ECPAS: variants seen among roughly 807,000 people sequenced by gnomAD.
ECPAS encodes proteasome adapter and scaffold protein ECM29.
In ECPAS, 70 loss-of-function variants were observed where a neutral mutation model predicts 255.1. That is an observed-to-expected ratio of 0.27 (90% confidence interval 0.23 to 0.33). ECPAS has a LOEUF of 0.33. Among genes scored for constraint, ECPAS ranks in the 10% least tolerant of loss-of-function variants. The pLI is 1.00. For missense variants in ECPAS, 1,817 were observed against 2,206.4 expected, an observed-to-expected ratio of 0.82 and a Z score of 3.54; for synonymous variants, 784 against 775.0, an observed-to-expected ratio of 1.01 and a Z score of -0.19.
chr9:111,483,619 C>G (rs1404586228), intron 1 of ECPAS: 6 of 318,134 alleles, frequency 1.9e-5, no homozygotes, highest in Non-Finnish European at 2.7e-5. Context: ...CGCGGTGCGG[C>G]AGGGGCCGCG....
At chr9:111,428,613 G>A (rs1012882183) in intron 9 of ECPAS, among the ~76,000 whole-genome samples, 26 of 151,958 alleles carry the variant, frequency 1.7e-4, no homozygotes, top group Admixed American at 1.2e-3. Flanking sequence ...CAAAAACCTC[G>A]CTTGCACAGA....
At chr9:111,463,404 T>C (rs991507721) in intron 2 of ECPAS, among the ~76,000 whole-genome samples, 2 of 152,156 alleles carry the variant, frequency 1.3e-5, no homozygotes, top group South Asian at 4.1e-4. Context: ...ATTGCAAAGA[T>C]GGGAAGCCCC....
At chr9:111,389,028 A>G (rs941786435) in intron 31 of ECPAS, among the ~76,000 whole-genome samples, 5 of 152,254 alleles carry the variant, frequency 3.3e-5, no homozygotes, top group Admixed American at 1.3e-4. Flanking sequence ...CACAATAAAG[A>G]TGACATTTAC....
chr9:111,371,396 C>CTAA (rs1279202541), intron 43 of ECPAS, among the ~76,000 whole-genome samples: 1 of 152,146 alleles, frequency 6.6e-6, no homozygotes. Flanking sequence ...GAAAATGTAT[C>CTAA]TATCTCCAGC....
intron 2 of ECPAS, among the ~76,000 whole-genome samples, chr9:111,471,062 CG>C (rs2098287408): frequency 6.6e-6 from 1 of 152,178 alleles, no homozygotes; most frequent in African/African-American, 2.4e-5. Flanking sequence ...AATGTACGAT[CG>C]TTAAGATCCA....
intron 1 of ECPAS, among the ~76,000 whole-genome samples, chr9:111,476,776 C>A (rs2098296795): frequency 6.6e-6 from 1 of 151,944 alleles, no homozygotes. Flanking sequence ...GATTCTCCTG[C>A]CTCAGCCTCC....
At chr9:111,372,191 G>A (rs986562037) in intron 42 of ECPAS, among the ~76,000 whole-genome samples, 2 of 152,204 alleles carry the variant, frequency 1.3e-5, no homozygotes, top group Non-Finnish European at 2.9e-5. Flanking sequence ...ATTCTCTCAT[G>A]TGGGCAGTGA....
intron 1 of ECPAS, among the ~76,000 whole-genome samples, chr9:111,479,980 C>CA (rs55754008): frequency 0.29 from 22,865 of 78,980 alleles, 2,014 homozygotes; most frequent in East Asian, 0.45. Context: ...AACTCCGTCT[C>CA]AAAAAAAAAA....
intron 24 of ECPAS, among the ~76,000 whole-genome samples, chr9:111,405,644 A>G (rs969143270): frequency 6.7e-6 from 1 of 150,046 alleles, no homozygotes; most frequent in African/African-American, 2.5e-5. Flanking sequence ...CAAATTATCC[A>G]TCTGACAAGA....
intron 24 of ECPAS, among the ~76,000 whole-genome samples, chr9:111,398,578 C>T (rs1310608863): frequency 2.0e-5 from 3 of 151,910 alleles, no homozygotes; most frequent in East Asian, 1.9e-4. Context: ...AGGGAGCAGG[C>T]GGCAGGGCAA....
chr9:111,406,839 T>C (rs1378077719), intron 24 of ECPAS, among the ~76,000 whole-genome samples: 4 of 148,950 alleles, frequency 2.7e-5, no homozygotes, highest in African/African-American at 7.7e-5. Context: ...GGAGATGTAA[T>C]GTACTCCAGC....
intron 36 of ECPAS, 138 bp downstream of exon 36, chr9:111,378,442 A>T: frequency 1.2e-6 from 1 of 839,276 alleles, no homozygotes; most frequent in Non-Finnish European, 1.8e-6. Context: ...CTCTCCAAAA[A>T]AACAGTAAAA....
At chr9:111,386,542 A>G (rs2098148899) in intron 31 of ECPAS, 86 bp from the exon 32 acceptor site, 1 of 723,372 alleles carries the variant, frequency 1.4e-6, no homozygotes, top group Non-Finnish European at 2.4e-6. Context: ...GGTTAACCAC[A>G]CTTAACCACA....
intron 1 of ECPAS, among the ~76,000 whole-genome samples, chr9:111,474,277 G>C (rs1419542616): frequency 2.6e-5 from 4 of 152,088 alleles, no homozygotes; most frequent in Admixed American, 2.0e-4. Flanking sequence ...CTGTCTAGAG[G>C]CTACACTCTC....
At chr9:111,377,990 C>G (rs2098135495) in intron 36 of ECPAS, among the ~76,000 whole-genome samples, 1 of 151,810 alleles carries the variant, frequency 6.6e-6, no homozygotes, top group South Asian at 2.1e-4. Context: ...ACTAAAAATA[C>G]AAAAAATCAG....
At position 111,384,511 on chromosome 9, in the gene ECPAS, G is replaced by A. The variant is rs372933216; in HGVS notation, c.3681+11C>T. On this transcript the variant is annotated intron_variant, in intron 34 of 49. Transcript: ENST00000684092. ...CTCCACTCCATTCCCAATGTAAGACGGGGTTTTCACCTTGCTCAGAGTTTT... is the reference window on the plus strand; with the variant it reads ...CTCCACTCCATTCCCAATGTAAGACAGGGTTTTCACCTTGCTCAGAGTTTT... 3.8e-5 allele frequency: 62 copies of A among 1,612,358 alleles called. No individual in the cohort carries two copies. Among genetic ancestry groups the A allele is most frequent in the Non-Finnish European group, 4.1e-5 (48 of 1,178,584 alleles).
At chr9:111,450,898 C>T (rs1046058464) in intron 3 of ECPAS, among the ~76,000 whole-genome samples, 7 of 152,026 alleles carry the variant, frequency 4.6e-5, no homozygotes, top group African/African-American at 1.2e-4. Context: ...GCACTCCAGC[C>T]TGGGTGATAG....
At chr9:111,411,421 TTCCTACATGC>T (rs1346243030) in intron 21 of ECPAS, among the ~76,000 whole-genome samples, 2 of 152,166 alleles carry the variant, frequency 1.3e-5, no homozygotes, top group Non-Finnish European at 2.9e-5. Context: ...TGAGATGACT[TTCCTACATGC>T]TCCTACATGC....
chr9:111,403,247 C>T (rs1443535624), intron 24 of ECPAS, among the ~76,000 whole-genome samples: 1 of 150,996 alleles, frequency 6.6e-6, no homozygotes. Context: ...GTAGGCCCAG[C>T]TACTTAGGAG....
Sources: allele counts gnomAD v4.1 joint callset (sites outside exome capture counted in the v4.1 genomes callset), GRCh38; gene constraint gnomAD v4.1.1; transcripts MANE v1.5; gene names NCBI Gene and HGNC (gene_info 2026-07-23, HGNC 2026-07-21).